Variants in JAZF1 observed in about 807,000 individuals in gnomAD.
JAZF1 encodes JAZF zinc finger 1.
JAZF1 carries 8 observed loss-of-function variants against 26.4 expected under a neutral mutation model. That is an observed-to-expected ratio of 0.30 (90% confidence interval 0.18 to 0.55). The LOEUF (loss-of-function observed/expected upper bound fraction) is 0.55, where lower values mean the gene tolerates loss of function less well. JAZF1 is among the 20% of genes least tolerant of loss of function. JAZF1 has a pLI of 0.94. For synonymous variants in JAZF1, 126 were observed against 122.3 expected (o/e 1.03, Z -0.20); for missense variants, 199 against 322.0 (o/e 0.62, Z 2.92).
At chr7:28,164,465 A>G (rs755852887) in intron 1 of JAZF1, among the ~76,000 whole-genome samples, 1 of 152,254 alleles carries the variant, frequency 6.6e-6, no homozygotes, top group Non-Finnish European at 1.5e-5. Context: ...TTGAACAAAG[A>G]TGCTGACAGG....
chr7:28,075,909 G>C (rs879922655), intron 1 of JAZF1, among the ~76,000 whole-genome samples: 3 of 152,206 alleles, frequency 2.0e-5, no homozygotes, highest in Non-Finnish European at 4.4e-5. Flanking sequence ...CATAATGGGA[G>C]AGACAAGAGA....
At chr7:28,134,715 T>C (rs1036963007) in intron 1 of JAZF1, among the ~76,000 whole-genome samples, 9 of 152,140 alleles carry the variant, frequency 5.9e-5, no homozygotes, top group African/African-American at 2.2e-4. Context: ...AAGTGATATA[T>C]TTATTTTTTT....
chr7:27,971,501 G>T (rs149252643), intron 2 of JAZF1, among the ~76,000 whole-genome samples: 215 of 152,278 alleles, frequency 1.4e-3, no homozygotes, highest in African/African-American at 4.9e-3. Flanking sequence ...CTAGTCTTTA[G>T]GCTCAGCATA....
chr7:27,979,459 G>C (rs947277098), intron 2 of JAZF1, among the ~76,000 whole-genome samples: 2 of 123,702 alleles, frequency 1.6e-5, no homozygotes, highest in African/African-American at 3.1e-5. Context: ...CCCCATCATA[G>C]CTAACTGTAG....
At chr7:28,001,394 A>C (rs1217797584) in intron 1 of JAZF1, among the ~76,000 whole-genome samples, 1 of 147,484 alleles carries the variant, frequency 6.8e-6, no homozygotes, top group Non-Finnish European at 1.5e-5. Context: ...AAACCTAAAC[A>C]AAAAAAACCA....
intron 2 of JAZF1, among the ~76,000 whole-genome samples, chr7:27,955,671 T>C (rs1785076836): frequency 6.6e-6 from 1 of 152,208 alleles, no homozygotes; most frequent in Non-Finnish European, 1.5e-5. Flanking sequence ...GCAATTTGAC[T>C]ATATTTTATT....
chr7:28,039,034 T>A (rs1303172340), intron 1 of JAZF1, among the ~76,000 whole-genome samples: 1 of 152,188 alleles, frequency 6.6e-6, no homozygotes, highest in Admixed American at 6.6e-5. Context: ...CTAAAATATT[T>A]GTGTTAACAA....
At chr7:27,917,424 T>C (rs1438751945) in intron 2 of JAZF1, among the ~76,000 whole-genome samples, 1 of 152,210 alleles carries the variant, frequency 6.6e-6, no homozygotes, top group Admixed American at 6.5e-5. Flanking sequence ...CTGCTTCCAT[T>C]AGCTTAGACC....
chr7:27,871,281 C>A (rs188610028), intron 3 of JAZF1, among the ~76,000 whole-genome samples: 5 of 152,306 alleles, frequency 3.3e-5, no homozygotes, highest in Admixed American at 2.0e-4. Flanking sequence ...AAGGTCAGTG[C>A]TGTGTGCCAA....
At position 27,987,227 on chromosome 7, in the gene JAZF1, C is replaced by T. The variant is rs577243033; in HGVS notation, c.188+4682G>A. 2.9e-4 allele frequency among the ~76,000 whole-genome samples: 44 copies of T among 152,088 alleles called. No homozygotes were observed. In the South Asian group the frequency reaches 8.3e-3, roughly 29 times the overall value. On this transcript the variant is annotated intron_variant, in intron 2 of 4. Transcript: ENST00000283928. ...GAGGTGAGGAGCGTCTCTGCCTGGC[C>T]GCCCATCGTCTGAGATGTGGGGAGC...
In JAZF1 at chr7:27,925,953, C is replaced by T. The variant is rs958899281; in HGVS notation, c.189-30537G>A. The stretch of plus-strand genomic sequence containing the variant: ...CCTTAGAAACCTCACCATGGCTAGC[C>T]TGGAGAGTCCCCTGTGGTATGCAGA... On this transcript the variant is annotated intron_variant, in intron 2 of 4. Transcript: ENST00000283928. Among the ~76,000 whole-genome samples, 7 of 152,314 alleles carry T rather than the reference C, an allele frequency of 4.6e-5. 1 individual carries two copies. The East Asian group carries it at 1.3e-3, about 29-fold the overall frequency.
chr7:27,929,937 TCTCTCTCTCTCTCTCTCTCTCTCCCC>T (rs1359122313), intron 2 of JAZF1, among the ~76,000 whole-genome samples: 8 of 77,752 alleles, frequency 1.0e-4, no homozygotes, highest in Non-Finnish European at 2.1e-4. Flanking sequence ...TTTTCTGCAT[TCTCTCTCTCTCTCTCTCTCTCTCCCC>T]CTCTCTCCCT....
At chr7:27,898,225 G>A (rs1184988302) in intron 2 of JAZF1, among the ~76,000 whole-genome samples, 1 of 150,294 alleles carries the variant, frequency 6.7e-6, no homozygotes, top group Admixed American at 6.6e-5. Flanking sequence ...CATATCCAGT[G>A]TAAGAGACAG....
At chr7:28,093,506 A>G (rs1428821712) in intron 1 of JAZF1, among the ~76,000 whole-genome samples, 1 of 152,216 alleles carries the variant, frequency 6.6e-6, no homozygotes, top group South Asian at 2.1e-4. Context: ...GACTACTACA[A>G]TGTTGCAGAC....
intron 1 of JAZF1, among the ~76,000 whole-genome samples, chr7:28,158,184 CACAGAGAGAGAG>C (rs1422781493): frequency 9.5e-6 from 1 of 105,318 alleles, no homozygotes; most frequent in African/African-American, 3.2e-5. Context: ...CACACACACA[CACAGAGAGAGAG>C]AGAGAGAGGG....
chr7:28,053,246 C>G (rs1005522899), intron 1 of JAZF1, among the ~76,000 whole-genome samples: 1 of 152,200 alleles, frequency 6.6e-6, no homozygotes, highest in Admixed American at 6.5e-5. Flanking sequence ...GTTGCTTGTA[C>G]TCCTTGGCTA....
intron 1 of JAZF1, among the ~76,000 whole-genome samples, chr7:27,998,055 A>C (rs570910452): frequency 1.6e-5 from 2 of 124,792 alleles, no homozygotes; most frequent in African/African-American, 2.8e-5. Flanking sequence ...GGAAGGAAGG[A>C]AGGAAGGAAG....
chr7:28,093,851 T>C (rs140839968), intron 1 of JAZF1, among the ~76,000 whole-genome samples: 63 of 152,284 alleles, frequency 4.1e-4, no homozygotes, highest in Non-Finnish European at 7.5e-4. Flanking sequence ...AACAAGCCAA[T>C]AACAAGAATG....
At chr7:27,947,534 C>T (rs1030419048) in intron 2 of JAZF1, among the ~76,000 whole-genome samples, 1 of 152,186 alleles carries the variant, frequency 6.6e-6, no homozygotes, top group African/African-American at 2.4e-5. Flanking sequence ...TGCTTTCATG[C>T]AGCATTTACT....
Sources: gnomAD v4.1 joint callset for allele counts (sites outside exome capture counted in the v4.1 genomes callset) on GRCh38, gnomAD v4.1.1 for gene constraint, MANE v1.5 for transcripts, NCBI Gene and HGNC (gene_info 2026-07-23, HGNC 2026-07-21) for gene names.